The following ZNF528 variants were observed in gnomAD, a reference collection of about 807,000 sequenced individuals.
ZNF528 encodes zinc finger protein 528.
ZNF528 carries 9 observed loss-of-function variants against 13.3 expected under a neutral mutation model. That is an observed-to-expected ratio of 0.67 (90% CI 0.41 to 1.18). The LOEUF is 1.18. ZNF528 is among the 50% of genes most tolerant of loss of function. ZNF528 has a pLI of 0.01. For missense variants in ZNF528, 858 were observed against 745.4 expected (o/e 1.15, Z -1.76); for synonymous variants, 264 against 254.3 (o/e 1.04, Z -0.36).
intron 4 of ZNF528, chr19:52,402,348 T>C: frequency 2.2e-6 from 1 of 462,736 alleles, no homozygotes; most frequent in Non-Finnish European, 3.9e-6. Flanking sequence ...GGATGCACTG[T>C]CAGTGTTCTG....
Position 52,414,288 on chromosome 19 carries a change from C to T in ZNF528, c.272-836C>T, listed in dbSNP as rs761426106. The stretch of plus-strand genomic sequence containing the variant: ...CACTTGTCCGACATCCTCGGAGTCC[C>T]TCTTCTGGGTCACCAGTTGCCACCT... On this transcript the variant is annotated intron_variant, in intron 6 of 6. Coordinates refer to ENST00000360465, the MANE Select transcript of ZNF528 (RefSeq NM_032423.3). 4.3e-6 allele frequency: 3 copies of T among 702,538 alleles called. No homozygotes were observed. In the East Asian group the frequency reaches 8.0e-5, roughly 19 times the overall value. The allele number at this position is 702,538 out of a possible 1,614,324, so 43.5% of individuals were successfully genotyped here. A position where few individuals can be genotyped will look rare whatever the true frequency, so the allele number is the denominator to read the frequency against.
intron 2 of ZNF528, 35 bp from the exon 3 acceptor site, chr19:52,401,650 C>T (rs1460736743): frequency 8.2e-7 from 1 of 1,213,152 alleles, no homozygotes; most frequent in Non-Finnish European, 1.1e-6. Context: ...TTTATTACCA[C>T]ATGAAGAATT....
At chr19:52,406,439 C>T (rs2058856852) in intron 5 of ZNF528, 76 bp from the exon 6 acceptor site, 4 of 1,543,926 alleles carry the variant, frequency 2.6e-6, no homozygotes, top group South Asian at 1.3e-5. Context: ...ATTATAATAT[C>T]CTCTCTCCTC....
chr19:52,402,409 C>A (rs1339941506), intron 4 of ZNF528: 2 of 225,394 alleles, frequency 8.9e-6, no homozygotes. Flanking sequence ...TTTCTTCTTT[C>A]TTTTTTTTTT....
At chr19:52,399,377 T>C (rs184660414) in intron 2 of ZNF528, among the ~76,000 whole-genome samples, 3 of 152,316 alleles carry the variant, frequency 2.0e-5, no homozygotes, top group Admixed American at 2.0e-4. Context: ...TTTGGGAAGC[T>C]GAGGTGAGCG....
chr19:52,416,030 AG>A lies in ZNF528; in HGVS notation c.1179del (p.Lys393AsnfsTer4), dbSNP rs1568432249. ...CKECDKVFGR[K>X]CFLTSHQRIH... Reference sequence around the variant, plus strand: ...GAATGTGACAAGGTCTTTGGGCGCAAGTGTTTCCTGACCTCTCATCAGAGAA... The same window carrying A: ...GAATGTGACAAGGTCTTTGGGCGCAATGTTTCCTGACCTCTCATCAGAGAA... On this transcript the variant is annotated frameshift_variant, in exon 7 of 7. Coordinates refer to ENST00000360465, the MANE Select transcript of ZNF528 (RefSeq NM_032423.3). LOFTEE classifies it low-confidence loss of function (END_TRUNC). 1 of 1,614,094 alleles carries A rather than the reference AG, an allele frequency of 6.2e-7. No individual in the cohort carries two copies. Among genetic ancestry groups the A allele is most frequent in the South Asian group, 1.1e-5 (1 of 91,084 alleles).
rs2059018622 is a variant in ZNF528, at chr19:52,417,680, G to C, written c.*941G>C. On this transcript the variant is annotated 3_prime_UTR_variant, in exon 7 of 7. Coordinates refer to ENST00000360465, the MANE Select transcript of ZNF528 (RefSeq NM_032423.3). ...TGCCCAGGCTGGAGTGTAGTGGTGT[G>C]TTCTTGGCTCACTGCACCCTCCGCC... The C allele has an allele frequency of 6.6e-6, 1 of 152,162 alleles. No homozygotes were observed. The highest frequency in any genetic ancestry group is 1.5e-5 in the Non-Finnish European group (1 of 68,194). 9.4% of individuals were successfully genotyped at this position (152,162 alleles called of 1,614,324 possible).
At chr19:52,403,804 T>C (rs2058823899) in intron 4 of ZNF528, among the ~76,000 whole-genome samples, 1 of 152,148 alleles carries the variant, frequency 6.6e-6, no homozygotes, top group African/African-American at 2.4e-5. Context: ...CAGTGGTTTT[T>C]ATGAATGGCA....
rs1196935631 is a variant in ZNF528 at position 52,416,584 on chromosome 19, G to A, written c.1732G>A (p.Glu578Lys). The A allele has an allele frequency of 1.2e-6, 2 of 1,614,130 alleles. No homozygotes were observed. Among genetic ancestry groups the A allele is most frequent in the Non-Finnish European group, 1.7e-6 (2 of 1,180,026 alleles). The change falls in exon 7 of 7, where the codon GAG becomes AAG. Residue 578 changes from glutamate to lysine, a missense_variant. By Grantham distance (56) the Glu-to-Lys change is moderately conservative. Transcript: ENST00000360465. The part of the protein sequence containing the change: ...LAIHTEKKSH[E>K]CKECGKIFTQ... Reference sequence around the variant, plus strand: ...AATCCATACTGAAAAGAAATCTCATGAGTGTAAAGAATGTGGCAAGATCTT... The same window carrying A: ...AATCCATACTGAAAAGAAATCTCATAAGTGTAAAGAATGTGGCAAGATCTT...
intron 6 of ZNF528, chr19:52,412,074 CT>C (rs1177528245): frequency 6.6e-6 from 1 of 152,216 alleles, no homozygotes; most frequent in East Asian, 1.9e-4. Context: ...CATAAAATTT[CT>C]TTCCTTTAAT....
rs376391054 is a variant in ZNF528 at position 52,405,978 on chromosome 19, G to C, written c.87G>C (p.Gln29His). 9 of 1,612,162 alleles carry C rather than the reference G, an allele frequency of 5.6e-6. No homozygotes were observed. In the African/African-American group the frequency reaches 9.3e-5, roughly 17 times the overall value. Residue 29 changes from glutamine (Q) to histidine (H), a missense_variant, in exon 5 of 7, where the codon CAG becomes CAC. By Grantham distance (24) the Gln-to-His change is conservative. Coordinates refer to ENST00000360465, the MANE Select transcript of ZNF528 (RefSeq NM_032423.3). ...QEEWKCLDPA[Q>H]RTLYRDVMLE... is the part of the protein sequence containing the mutation. ...AGTGGAAATGCCTGGACCCTGCGCA[G>C]AGGACTTTATACAGGGACGTGATGT...
intron 6 of ZNF528, among the ~76,000 whole-genome samples, chr19:52,411,018 T>A (rs1368947584): frequency 1.3e-5 from 2 of 152,200 alleles, no homozygotes; most frequent in African/African-American, 4.8e-5. Flanking sequence ...GGGAAGTTAT[T>A]TGCACTTTCT....
At chr19:52,404,615 G>A (rs967492518) in intron 4 of ZNF528, among the ~76,000 whole-genome samples, 4 of 148,738 alleles carry the variant, frequency 2.7e-5, no homozygotes, top group African/African-American at 7.4e-5. Context: ...TTTTTGAGTC[G>A]GAGTGTCACT....
rs375985527 is a variant in ZNF528, at chr19:52,416,380, T to C, written c.1528T>C (p.Cys510Arg). Residue 510 changes from cysteine (C) to arginine (R), a missense_variant, in exon 7 of 7, where the codon TGC becomes CGC. Transcript: ENST00000360465. Reference sequence around the variant, plus strand: ...CTTCAGTCGCAGTTCAAACCTGGTATGCCATCAGAAAATTCATACAGGAGA... The same window carrying C: ...CTTCAGTCGCAGTTCAAACCTGGTACGCCATCAGAAAATTCATACAGGAGA... Reference protein sequence around the residue: ...KVFSRSSNLVCHQKIHTGEKP... With the variant: ...KVFSRSSNLVRHQKIHTGEKP... 16 of 1,613,816 alleles carry C rather than the reference T, an allele frequency of 9.9e-6. No homozygotes were observed. Among genetic ancestry groups the C allele is most frequent in the Non-Finnish European group, 1.3e-5 (15 of 1,179,874 alleles).
In ZNF528 at chr19:52,415,869, T is replaced by C. The variant is rs578002219; in HGVS notation, c.1017T>C (p.Tyr339=). ...KCGKVFSRHS[Y]LAEHQTVHTG... The stretch of plus-strand genomic sequence containing the variant: ...GCAAGGTCTTTAGTCGCCATTCATA[T>C]CTAGCAGAACATCAAACGGTTCATA... Residue 339 remains tyrosine, a synonymous_variant, in exon 7 of 7, where the codon TAT becomes TAC. Coordinates refer to ENST00000360465, the MANE Select transcript of ZNF528 (RefSeq NM_032423.3). 7 of 1,613,726 alleles carry C rather than the reference T, an allele frequency of 4.3e-6. No individual in the cohort carries two copies. The African/African-American group carries it at 8.0e-5, about 18-fold the overall frequency.
chr19:52,414,304 G>C (rs563765768), intron 6 of ZNF528: 79 of 702,542 alleles, frequency 1.1e-4, no homozygotes, highest in Non-Finnish European at 1.8e-4. Flanking sequence ...TGGGTCACCA[G>C]TTGCCACCTG....
intron 6 of ZNF528, chr19:52,414,540 A>G: frequency 1.8e-6 from 1 of 540,916 alleles, no homozygotes. Context: ...TTTGAACAAT[A>G]GACTGTAGAT....
chr19:52,416,084 GCAGT>G lies in ZNF528; in HGVS notation c.1237_1240del (p.Gln413ValfsTer44), dbSNP rs777069486. On this transcript the variant is annotated frameshift_variant, in exon 7 of 7. Coordinates refer to ENST00000360465, the MANE Select transcript of ZNF528 (RefSeq NM_032423.3). LOFTEE classifies it low-confidence loss of function (END_TRUNC). ...CATACTAGAGAGAGACCTTATGGAT[GCAGT>G]CAGTGTGGCAAGATCTTTAGTCAGA... 6 of 1,613,896 alleles carry G rather than the reference GCAGT, an allele frequency of 3.7e-6. No homozygotes were observed. The African/African-American group carries it at 5.3e-5, about 14-fold the overall frequency.
chr19:52,405,565 C>T (rs527569922), intron 4 of ZNF528, among the ~76,000 whole-genome samples: 1 of 152,188 alleles, frequency 6.6e-6, no homozygotes, highest in African/African-American at 2.4e-5. Context: ...ACATTGTCAT[C>T]TCTGAAGACA....
Sources: allele counts gnomAD v4.1 joint callset (sites outside exome capture counted in the v4.1 genomes callset), GRCh38; gene constraint gnomAD v4.1.1; transcripts MANE v1.5; gene names NCBI Gene and HGNC (gene_info 2026-07-23, HGNC 2026-07-21).